The following ACVR1 variants were observed in gnomAD, a reference collection of about 807,000 sequenced individuals.
ACVR1 encodes activin receptor type-1.
In ACVR1, 38 loss-of-function variants were observed where a neutral mutation model predicts 57.1. The ratio of observed to expected loss-of-function variants is 0.67; its 90% CI spans 0.51 to 0.87. ACVR1 has a LOEUF of 0.87. Ranked by LOEUF, ACVR1 falls within the 40% of genes least tolerant of loss-of-function variation. ACVR1 has a pLI of 0.00. For missense variants in ACVR1, 463 were observed against 638.2 expected, an observed-to-expected ratio of 0.73 and a Z score of 2.96; for synonymous variants, 212 against 228.1, an observed-to-expected ratio of 0.93 and a Z score of 0.63.
chr2:157,873,812 G>T (rs968343778), intron 1 of ACVR1, among the ~76,000 whole-genome samples: 4 of 152,014 alleles, frequency 2.6e-5, no homozygotes, highest in Non-Finnish European at 4.4e-5. Context: ...AAGAAAACTG[G>T]CAAATCACTA....
Position 157,760,988 on chromosome 2 carries a change from C to T in ACVR1, c.1156G>A (p.Val386Ile). ...TCCACCTGGATGGTTTCATCTAGAACTTCGGGGGCCATGTAGCGCTTGGTG... is the reference window on the plus strand; with the variant it reads ...TCCACCTGGATGGTTTCATCTAGAATTTCGGGGGCCATGTAGCGCTTGGTG... ...VGTKRYMAPEVLDETIQVDCF... is the reference protein window; with the variant it reads ...VGTKRYMAPEILDETIQVDCF... Residue 386 changes from valine (V) to isoleucine (I), a missense_variant, in exon 9 of 11, where the codon GTT becomes ATT. This residue lies in a region of ACVR1 where 146 missense variants were observed against 186.6 expected (regional missense o/e 0.78). Transcript: ENST00000434821. 1 of 1,614,130 alleles carries T rather than the reference C, an allele frequency of 6.2e-7. No homozygotes were observed. The highest frequency in any genetic ancestry group is 1.3e-5 in the African/African-American group (1 of 75,040).
chr2:157,809,882 A>G (rs918316930), intron 2 of ACVR1, among the ~76,000 whole-genome samples: 2 of 151,982 alleles, frequency 1.3e-5, no homozygotes, highest in African/African-American at 4.8e-5. Flanking sequence ...CAAGACCAGC[A>G]TGGGCAACAC....
chr2:157,760,832 T>A, intron 9 of ACVR1, 48 bp downstream of exon 9: 1 of 1,576,978 alleles, frequency 6.3e-7, no homozygotes. Flanking sequence ...GGTAGCTGGA[T>A]CAAGAGAACT....
At position 157,737,365 on chromosome 2, in the gene ACVR1, T is replaced by C. The variant is rs1684572396; in HGVS notation, c.*166A>G. ...TCATCGAGCGAGGTTAGGGTGGTTT[T>C]GATGTCTCCCCAACACATGGCTGGG... On this transcript the variant is annotated 3_prime_UTR_variant, in exon 11 of 11. Transcript: ENST00000434821. The C allele has an allele frequency of 9.1e-6, 8 of 880,878 alleles. No individual in the cohort carries two copies. Among genetic ancestry groups the C allele is most frequent in the Non-Finnish European group, 1.4e-5 (8 of 555,338 alleles). 54.6% of individuals were successfully genotyped at this position (880,878 alleles called of 1,614,324 possible).
intron 2 of ACVR1, among the ~76,000 whole-genome samples, chr2:157,800,680 A>G (rs1033291628): frequency 5.3e-5 from 8 of 152,110 alleles, no homozygotes. Flanking sequence ...TTTTAAAAGC[A>G]TATGAAACTT....
At chr2:157,792,571 C>A (rs868036316) in intron 3 of ACVR1, among the ~76,000 whole-genome samples, 4 of 152,332 alleles carry the variant, frequency 2.6e-5, no homozygotes, top group Middle Eastern at 6.8e-3. Context: ...GCAGTAGGAA[C>A]ACCTGCACAG....
intron 1 of ACVR1, among the ~76,000 whole-genome samples, chr2:157,856,250 C>T (rs1295435043): frequency 6.6e-6 from 1 of 152,204 alleles, no homozygotes; most frequent in African/African-American, 2.4e-5. Context: ...ATCTCATCCT[C>T]ATATCCGTGC....
intron 1 of ACVR1, among the ~76,000 whole-genome samples, chr2:157,845,591 G>A (rs1007078993): frequency 1.3e-5 from 2 of 152,114 alleles, no homozygotes; most frequent in Non-Finnish European, 2.9e-5. Context: ...GCTGTTGTTT[G>A]TGGTAATTTC....
Position 157,736,845 on chromosome 2 carries a change from A to G in ACVR1, c.*686T>C, listed in dbSNP as rs12997. 122,488 of 336,656 alleles carry G rather than the reference A, an allele frequency of 0.36. 28,947 individuals carry two copies. The highest frequency in any genetic ancestry group is 0.84 in the African/African-American group (39,893 of 47,590). The allele number at this position is 336,656 out of a possible 1,614,324, so 20.9% of individuals were successfully genotyped here. On this transcript the variant is annotated 3_prime_UTR_variant, in exon 11 of 11. Transcript: ENST00000434821. ...TAAAAATAAGCTTTAACATATGCAC[A>G]AAGCAGTTTTGTAAAAACTACTAAG...
chr2:157,847,131 A>G (rs574729162), intron 1 of ACVR1, among the ~76,000 whole-genome samples: 2 of 152,344 alleles, frequency 1.3e-5, no homozygotes, highest in Middle Eastern at 3.4e-3. Flanking sequence ...ATCTTTCAAA[A>G]AATTTTAATA....
At chr2:157,863,593 A>C (rs575894565) in intron 1 of ACVR1, among the ~76,000 whole-genome samples, 8 of 151,128 alleles carry the variant, frequency 5.3e-5, no homozygotes, top group Admixed American at 5.3e-4. Flanking sequence ...CCTACTTAGG[A>C]GGCTGAGGCA....
At chr2:157,768,442 C>T (rs958504833) in intron 7 of ACVR1, among the ~76,000 whole-genome samples, 3 of 152,076 alleles carry the variant, frequency 2.0e-5, no homozygotes, top group Non-Finnish European at 4.4e-5. Context: ...ATCTGTGTAG[C>T]CTCTACTGAT....
In ACVR1 at chr2:157,778,200, A is replaced by T; in HGVS notation, c.474T>A (p.Asn158Lys). The change falls in exon 5 of 11, where the codon AAT becomes AAA. Residue 158 changes from asparagine (N) to lysine (K), a missense_variant. Physicochemically the swap from Asn to Lys is moderately conservative, Grantham distance 94. This residue lies in a region of ACVR1 where 203 missense variants were observed against 235.5 expected (regional missense o/e 0.86). Coordinates refer to ENST00000434821, the MANE Select transcript of ACVR1 (RefSeq NM_001111067.4). The stretch of plus-strand genomic sequence containing the variant: ...TAGTGCCATACTCCACGTCTCGGGG[A>T]TTGAGGCGTTCTTGGTTGCGCCTTT... ...KFKRRNQERL[N>K]PRDVEYGTIE... The T allele has an allele frequency of 6.2e-7, 1 of 1,613,916 alleles. No individual in the cohort carries two copies. Among genetic ancestry groups the T allele is most frequent in the African/African-American group, 1.3e-5 (1 of 74,950 alleles).
intron 1 of ACVR1, among the ~76,000 whole-genome samples, chr2:157,856,810 A>T (rs993090071): frequency 6.6e-6 from 1 of 152,170 alleles, no homozygotes; most frequent in Admixed American, 6.5e-5. Context: ...AAGCAATACT[A>T]TTGGGCTGGT....
intron 9 of ACVR1, among the ~76,000 whole-genome samples, chr2:157,754,553 C>G (rs1685342844): frequency 6.6e-6 from 1 of 152,114 alleles, no homozygotes; most frequent in African/African-American, 2.4e-5. Flanking sequence ...CTAGCTTAAA[C>G]CAGGAAGAAT....
chr2:157,853,215 T>A (rs1396639929), intron 1 of ACVR1, among the ~76,000 whole-genome samples: 1 of 152,186 alleles, frequency 6.6e-6, no homozygotes, highest in Non-Finnish European at 1.5e-5. Flanking sequence ...TAATAAAACA[T>A]CATAGATTGG....
rs369932513 is a variant in ACVR1 at position 157,740,992 on chromosome 2, C to T, written c.1265-2422G>A. ...TGGGATTAAGCTCTAACAGTCACTA[C>T]GAACTCCCTCTGATCAAGCAATAAA... is the stretch of plus-strand genomic sequence containing the variant. On this transcript the variant is annotated intron_variant, in intron 9 of 10. Coordinates refer to ENST00000434821, the MANE Select transcript of ACVR1 (RefSeq NM_001111067.4). Among the ~76,000 whole-genome samples, 53 of 152,264 alleles carry T rather than the reference C, an allele frequency of 3.5e-4. 1 individual carries two copies. The East Asian group carries it at 5.6e-3, about 16-fold the overall frequency.
At chr2:157,853,523 G>A (rs951366257) in intron 1 of ACVR1, among the ~76,000 whole-genome samples, 75 of 152,122 alleles carry the variant, frequency 4.9e-4, no homozygotes, top group African/African-American at 1.7e-3. Context: ...AATTGGGAAG[G>A]ACAAAATTCA....
intron 5 of ACVR1, among the ~76,000 whole-genome samples, chr2:157,776,292 C>T (rs954524297): frequency 2.0e-5 from 3 of 152,138 alleles, no homozygotes; most frequent in Admixed American, 6.5e-5. Flanking sequence ...CTATTATTGC[C>T]CTTGGTAATT....
Sources: allele counts gnomAD v4.1 joint callset (sites outside exome capture counted in the v4.1 genomes callset), GRCh38; gene constraint gnomAD v4.1.1; regional missense constraint gnomAD v4.1.1; transcripts MANE v1.5; gene names NCBI Gene and HGNC (gene_info 2026-07-23, HGNC 2026-07-21).